The following DUSP16 variants were observed in gnomAD, a reference collection of about 807,000 sequenced individuals.
The protein encoded by DUSP16 is dual specificity protein phosphatase 16.
In DUSP16, 21 loss-of-function variants were observed where a neutral mutation model predicts 58.3. The ratio of observed to expected loss-of-function variants is 0.36; its 90% CI spans 0.26 to 0.52. DUSP16 has a LOEUF of 0.52. Among genes scored for constraint, DUSP16 ranks in the 20% least tolerant of loss-of-function variants. The pLI, the probability that DUSP16 is intolerant of heterozygous loss-of-function variation, is 0.94. For synonymous variants in DUSP16, 320 were observed against 323.8 expected, an observed-to-expected ratio of 0.99 and a Z score of 0.12; for missense variants, 726 against 819.0, an observed-to-expected ratio of 0.89 and a Z score of 1.39.
intron 6 of DUSP16, among the ~76,000 whole-genome samples, 192 bp from the exon 7 acceptor site, chr12:12,478,207 C>T (rs1943495632): frequency 6.6e-6 from 1 of 152,112 alleles, no homozygotes; most frequent in South Asian, 2.1e-4. Flanking sequence ...AAGCTTTGCA[C>T]ACATCCTGGA....
At chr12:12,487,361 GAAAAAA>G (rs200784639) in intron 4 of DUSP16, among the ~76,000 whole-genome samples, 174 bp from the exon 5 acceptor site, 2 of 145,226 alleles carry the variant, frequency 1.4e-5, no homozygotes, top group African/African-American at 5.0e-5. Flanking sequence ...CAAGTTTAAA[GAAAAAA>G]AAAAATTTAA....
intron 4 of DUSP16, among the ~76,000 whole-genome samples, chr12:12,494,573 CTATT>C (rs895304773): frequency 2.6e-5 from 4 of 152,140 alleles, no homozygotes; most frequent in Non-Finnish European, 5.9e-5. Flanking sequence ...TCTGAGAAGA[CTATT>C]TATAATGGGA....
In DUSP16 at chr12:12,525,331, G is replaced by A. The variant is rs564219548; in HGVS notation, c.-365-3868C>T. ...ATTGCCCAGGCTGGAGTGCAATGGC[G>A]CATCTCGGCTCACCGCAACCTCCAC... On this transcript the variant is annotated intron_variant, in intron 1 of 6. Coordinates refer to ENST00000298573, the MANE Select transcript of DUSP16 (RefSeq NM_030640.3). 3.4e-4 allele frequency among the ~76,000 whole-genome samples: 51 copies of A among 151,636 alleles called. No individual in the cohort carries two copies. In the South Asian group the frequency reaches 1.0e-2, roughly 30 times the overall value.
In DUSP16 at chr12:12,562,575, G is replaced by A. The variant is rs1333518784; in HGVS notation, c.-824C>T. Among the ~76,000 whole-genome samples the A allele has an allele frequency of 6.9e-6, 1 of 144,284 alleles. No individual in the cohort carries two copies. The highest frequency in any genetic ancestry group is 1.5e-5 in the Non-Finnish European group (1 of 65,176). The allele number at this position is 144,284 out of a possible 152,430, so 94.7% of individuals were successfully genotyped here. A position where few individuals can be genotyped will look rare whatever the true frequency, so the allele number is the denominator to read the frequency against. ...AGGGGGAAAGGCGGGGGGGTGGGGT[G>A]GGGGGTTGGGGGAAAGAGAAAGAGT... On this transcript the variant is annotated 5_prime_UTR_variant, in exon 1 of 7. Transcript: ENST00000298573.
chr12:12,487,222 A>T (rs771945340), intron 4 of DUSP16, 35 bp from the exon 5 acceptor site: 28 of 1,601,004 alleles, frequency 1.7e-5, no homozygotes, highest in Non-Finnish European at 2.2e-5. Flanking sequence ...AAAGTGACTA[A>T]TAATATAGTA....
At chr12:12,484,929 G>C (rs549928230) in intron 5 of DUSP16, among the ~76,000 whole-genome samples, 2 of 150,844 alleles carry the variant, frequency 1.3e-5, no homozygotes, top group South Asian at 2.1e-4. Context: ...ATTTTTTAAA[G>C]AGACAAAAAC....
chr12:12,530,643 G>A (rs1394422862), intron 1 of DUSP16, among the ~76,000 whole-genome samples: 3 of 152,112 alleles, frequency 2.0e-5, no homozygotes, highest in Non-Finnish European at 2.9e-5. Flanking sequence ...ACTACAAAGA[G>A]AGAAACTGTG....
At chr12:12,529,217 T>A (rs1944348236) in intron 1 of DUSP16, among the ~76,000 whole-genome samples, 1 of 152,172 alleles carries the variant, frequency 6.6e-6, no homozygotes, top group Admixed American at 6.5e-5. Context: ...GCTCAAGTGA[T>A]CCTCCCACTT....
intron 1 of DUSP16, among the ~76,000 whole-genome samples, chr12:12,543,024 G>A (rs935276157): frequency 6.6e-6 from 1 of 152,158 alleles, no homozygotes; most frequent in Non-Finnish European, 1.5e-5. Flanking sequence ...ACCAGATCAT[G>A]CTGGCACTCT....
chr12:12,508,064 T>G (rs73063424), intron 3 of DUSP16, among the ~76,000 whole-genome samples: 10,933 of 152,294 alleles, frequency 0.072, 472 homozygotes, highest in Middle Eastern at 0.095. Context: ...CTCTCTTCTC[T>G]CCATACTGGA....
At chr12:12,551,384 C>A (rs56183226) in intron 1 of DUSP16, among the ~76,000 whole-genome samples, 2 of 148,942 alleles carry the variant, frequency 1.3e-5, no homozygotes, top group African/African-American at 2.5e-5. Context: ...TGCGTGTAAT[C>A]TGAGCTAGGC....
chr12:12,507,374 G>A (rs1944012197), intron 3 of DUSP16, among the ~76,000 whole-genome samples: 1 of 152,084 alleles, frequency 6.6e-6, no homozygotes, highest in African/African-American at 2.4e-5. Context: ...AGTCACTAGG[G>A]ATTTATCAAC....
chr12:12,476,662 T>C lies in DUSP16; in HGVS notation c.*171A>G. On this transcript the variant is annotated 3_prime_UTR_variant, in exon 7 of 7. Coordinates refer to ENST00000298573, the MANE Select transcript of DUSP16 (RefSeq NM_030640.3). ...GAGAAGTATTAGCTGATCTCTCAAA[T>C]GCAGATGTTAAGAGAGTAACAACTG... The C allele has an allele frequency of 1.7e-6, 1 of 579,358 alleles. No homozygotes were observed. The highest frequency in any genetic ancestry group is 3.0e-6 in the Non-Finnish European group (1 of 338,070). The allele number at this position is 579,358 out of a possible 1,614,324, so 35.9% of individuals were successfully genotyped here.
intron 1 of DUSP16, among the ~76,000 whole-genome samples, chr12:12,522,724 C>T (rs1309605706): frequency 6.6e-6 from 1 of 151,996 alleles, no homozygotes; most frequent in Non-Finnish European, 1.5e-5. Flanking sequence ...CCACCACACC[C>T]AGCTAATTTT....
At chr12:12,508,860 T>C (rs952016402) in intron 3 of DUSP16, among the ~76,000 whole-genome samples, 1 of 152,210 alleles carries the variant, frequency 6.6e-6, no homozygotes, top group Non-Finnish European at 1.5e-5. Context: ...TGAAAAATTT[T>C]CAAAGCACCA....
chr12:12,539,748 A>AT (rs1194598801), intron 1 of DUSP16, among the ~76,000 whole-genome samples: 6 of 93,856 alleles, frequency 6.4e-5, no homozygotes, highest in African/African-American at 1.5e-4. Flanking sequence ...GCCAGCAGTT[A>AT]TTTAAAAAAA....
chr12:12,532,948 C>CA (rs11450029), intron 1 of DUSP16, among the ~76,000 whole-genome samples: 57,774 of 112,922 alleles, frequency 0.51, 12,379 homozygotes, highest in East Asian at 0.64. Flanking sequence ...AACTCTGTCT[C>CA]AAAAAAAAAA....
At chr12:12,498,395 TTTTATTA>T (rs2136209803) in intron 4 of DUSP16, among the ~76,000 whole-genome samples, 1 of 140,084 alleles carries the variant, frequency 7.1e-6, no homozygotes, top group East Asian at 2.1e-4. Context: ...TTATTTTATT[TTTTATTA>T]TTTATTTATT....
intron 5 of DUSP16, among the ~76,000 whole-genome samples, chr12:12,482,547 A>C (rs1943592343): frequency 6.6e-6 from 1 of 152,202 alleles, no homozygotes; most frequent in South Asian, 2.1e-4. Context: ...AACACACACA[A>C]CTGGCAGAGA....
Sources: allele counts gnomAD v4.1 joint callset (sites outside exome capture counted in the v4.1 genomes callset), GRCh38; gene constraint gnomAD v4.1.1; transcripts MANE v1.5; gene names NCBI Gene and HGNC (gene_info 2026-07-23, HGNC 2026-07-21).